The following CAMK4 variants were observed in gnomAD, a reference collection of about 807,000 sequenced individuals.
CAMK4 encodes the protein calcium/calmodulin-dependent protein kinase type IV.
Under a neutral mutation model 44.9 loss-of-function variants are expected in CAMK4, and 22 were observed. The ratio of observed to expected loss-of-function variants is 0.49; its 90% CI spans 0.35 to 0.70. The LOEUF (loss-of-function observed/expected upper bound fraction) is 0.70, where lower values mean the gene tolerates loss of function less well. Among genes scored for constraint, CAMK4 ranks in the 30% least tolerant of loss-of-function variants. CAMK4 has a pLI of 0.01. For missense variants in CAMK4, 498 were observed against 586.8 expected (o/e 0.85, Z 1.56); for synonymous variants, 218 against 215.4 (o/e 1.01, Z -0.11).
intron 7 of CAMK4, among the ~76,000 whole-genome samples, chr5:111,464,715 C>A (rs943980437): frequency 7.9e-5 from 12 of 152,224 alleles, no homozygotes; most frequent in Non-Finnish European, 1.6e-4. Context: ...TGGGGACAAT[C>A]TCTTGAGATT....
chr5:111,270,348 T>C (rs747894118), intron 1 of CAMK4, among the ~76,000 whole-genome samples: 25 of 152,184 alleles, frequency 1.6e-4, no homozygotes, highest in Non-Finnish European at 2.8e-4. Flanking sequence ...TCACTCCCTC[T>C]CACACATTCA....
At position 111,290,165 on chromosome 5, in the gene CAMK4, G is replaced by A. The variant is rs967590966; in HGVS notation, c.162-53859G>A. Among the ~76,000 whole-genome samples the A allele has an allele frequency of 2.0e-5, 3 of 152,128 alleles. No homozygotes were observed. The highest frequency in any genetic ancestry group is 1.9e-4 in the East Asian group (1 of 5,176). ...TTCAACACATAAACCCTGTTTTGGAGTATAGACGCCTGCTCCCCTACCCAT... is the reference window on the plus strand; with the variant it reads ...TTCAACACATAAACCCTGTTTTGGAATATAGACGCCTGCTCCCCTACCCAT... On this transcript the variant is annotated intron_variant, in intron 1 of 10. Coordinates refer to ENST00000282356, the MANE Select transcript of CAMK4 (RefSeq NM_001744.6). The surrounding 1 kb of genome is among the most constrained non-coding windows in gnomAD (Gnocchi z 4.5).
intron 1 of CAMK4, among the ~76,000 whole-genome samples, chr5:111,280,783 G>C (rs567293871): frequency 6.6e-6 from 1 of 152,310 alleles, no homozygotes; most frequent in Non-Finnish European, 1.5e-5. Flanking sequence ...AGGCTAGAGA[G>C]AAAACATAAT....
intron 1 of CAMK4, among the ~76,000 whole-genome samples, chr5:111,303,746 G>A (rs1350954437): frequency 3.0e-4 from 44 of 148,666 alleles, no homozygotes; most frequent in Non-Finnish European, 4.6e-4. Flanking sequence ...TACAGAGAAC[G>A]CCACAGAGAT....
chr5:111,314,530 C>G (rs1056423283), intron 1 of CAMK4, among the ~76,000 whole-genome samples: 4 of 151,918 alleles, frequency 2.6e-5, no homozygotes, highest in African/African-American at 9.7e-5. Flanking sequence ...AGAAAAGGAA[C>G]AAAAATACTT....
At chr5:111,462,744 C>T (rs950961340) in intron 7 of CAMK4, among the ~76,000 whole-genome samples, 3 of 152,140 alleles carry the variant, frequency 2.0e-5, no homozygotes, top group Admixed American at 6.5e-5. Context: ...AATTTAGCAC[C>T]AGTGGTCCCT....
At chr5:111,363,337 AT>A (rs1489794808) in intron 2 of CAMK4, among the ~76,000 whole-genome samples, 1 of 151,856 alleles carries the variant, frequency 6.6e-6, no homozygotes, top group African/African-American at 2.4e-5. Flanking sequence ...TTAAACCAGA[AT>A]TTTTTTTCTT....
In CAMK4 at chr5:111,467,989, C is replaced by T. The variant is rs568447856; in HGVS notation, c.626-5322C>T. On this transcript the variant is annotated intron_variant, in intron 7 of 10. Coordinates refer to ENST00000282356, the MANE Select transcript of CAMK4 (RefSeq NM_001744.6). ...ACACACACCATGGAATACTACTCAG[C>T]CATAAAAAGGAGTGAAATAATGACA... Among the ~76,000 whole-genome samples the T allele has an allele frequency of 3.4e-4, 51 of 148,878 alleles. 1 individual carries two copies. In the South Asian group the frequency reaches 9.9e-3, roughly 29 times the overall value.
intron 1 of CAMK4, among the ~76,000 whole-genome samples, chr5:111,251,648 A>G (rs532305186): frequency 7.2e-5 from 11 of 152,302 alleles, no homozygotes; most frequent in African/African-American, 2.2e-4. Context: ...TCTTATGTCT[A>G]TGCTTTTCCT....
chr5:111,442,063 T>C (rs1302031182), intron 5 of CAMK4, among the ~76,000 whole-genome samples: 3 of 152,218 alleles, frequency 2.0e-5, no homozygotes, highest in Non-Finnish European at 4.4e-5. Context: ...ATTATTCAGC[T>C]CTTTAAATTG....
chr5:111,329,955 C>G (rs532025672), intron 1 of CAMK4, among the ~76,000 whole-genome samples: 2 of 151,760 alleles, frequency 1.3e-5, no homozygotes, highest in Admixed American at 6.6e-5. Flanking sequence ...TCTGCTCCCA[C>G]TACTTCAATA....
chr5:111,287,603 A>G lies in CAMK4; in HGVS notation c.162-56421A>G, dbSNP rs80199225. ...TTTTGACTTTTTTGTCAAAATGTCA[A>G]AATGTTTTTGCATCCTGTTTCATAT... On this transcript the variant is annotated intron_variant, in intron 1 of 10. Coordinates refer to ENST00000282356, the MANE Select transcript of CAMK4 (RefSeq NM_001744.6). Among the ~76,000 whole-genome samples, 41 of 152,318 alleles carry G rather than the reference A, an allele frequency of 2.7e-4. No homozygotes were observed. In the East Asian group the frequency reaches 7.5e-3, roughly 28 times the overall value.
At chr5:111,421,924 C>A (rs1226491654) in intron 5 of CAMK4, among the ~76,000 whole-genome samples, 2 of 152,156 alleles carry the variant, frequency 1.3e-5, no homozygotes, top group Non-Finnish European at 2.9e-5. Context: ...GGACGGTTCG[C>A]TTGCACACAC....
chr5:111,281,708 T>C (rs1037824849), intron 1 of CAMK4, among the ~76,000 whole-genome samples: 10 of 152,248 alleles, frequency 6.6e-5, no homozygotes, highest in African/African-American at 2.4e-4. Context: ...TATATCAAGA[T>C]AGAAGATGAA....
At chr5:111,412,070 A>G (rs1304400831) in intron 5 of CAMK4, among the ~76,000 whole-genome samples, 2 of 152,196 alleles carry the variant, frequency 1.3e-5, no homozygotes, top group Admixed American at 1.3e-4. Context: ...ATAAAAGGTT[A>G]CAGAAACCAA....
Position 111,484,215 on chromosome 5 carries a change from C to T in CAMK4, c.1171C>T (p.Gln391Ter), listed in dbSNP as rs901315404. 1 of 1,614,020 alleles carries T rather than the reference C, an allele frequency of 6.2e-7. No homozygotes were observed. Among genetic ancestry groups the T allele is most frequent in the Non-Finnish European group, 8.5e-7 (1 of 1,179,960 alleles). The change falls in exon 11 of 11, where the codon CAG becomes TAG. Residue 391 changes from glutamine to a stop codon, truncating the protein, a stop_gained. Transcript: ENST00000282356. LOFTEE classifies it low-confidence loss of function (END_TRUNC). The surrounding 1 kb of genome is among the most constrained non-coding windows in gnomAD (Gnocchi z 5.3). ...DGAQAAVKGA[Q>*]AELMKVQALE... Reference sequence around the variant, plus strand: ...GGCCCAAGCCGCAGTTAAGGGGGCACAGGCTGAGCTGATGAAGGTGCAAGC... The same window carrying T: ...GGCCCAAGCCGCAGTTAAGGGGGCATAGGCTGAGCTGATGAAGGTGCAAGC...
rs756201485 is a variant in CAMK4 at position 111,484,065 on chromosome 5, A to G, written c.1021A>G (p.Ser341Gly). ...TGTGGTGGCCTCTTCGCGCCTGGGA[A>G]GTGCCAGCAGCAGCCATGGCAGCAT... ...KAVVASSRLG[S>G]ASSSHGSIQE... Residue 341 changes from serine (S) to glycine (G), a missense_variant, in exon 11 of 11, where the codon AGT becomes GGT. By Grantham distance (56) the Ser-to-Gly change is moderately conservative. Transcript: ENST00000282356. This position sits in a 1 kb window ranked among gnomAD's most constrained non-coding sequence, Gnocchi z 5.3. 1.9e-6 allele frequency: 3 copies of G among 1,607,768 alleles called. No homozygotes were observed. Among genetic ancestry groups the G allele is most frequent in the Non-Finnish European group, 2.5e-6 (3 of 1,176,788 alleles).
At chr5:111,395,230 A>AT in intron 5 of CAMK4, among the ~76,000 whole-genome samples, 1 of 106,440 alleles carries the variant, frequency 9.4e-6, no homozygotes, top group Admixed American at 1.2e-4. Flanking sequence ...AAAAAAAAGA[A>AT]AAAAAAAAAG....
At chr5:111,267,703 CAAAAAAAAAAAA>C (rs59699712) in intron 1 of CAMK4, among the ~76,000 whole-genome samples, 4 of 71,734 alleles carry the variant, frequency 5.6e-5, no homozygotes, top group African/African-American at 1.8e-4. Context: ...GACTCCGTCT[CAAAAAAAAAAAA>C]AAAAAAAAAA....
Sources: gnomAD v4.1 joint callset for allele counts (sites outside exome capture counted in the v4.1 genomes callset) on GRCh38, gnomAD v4.1.1 for gene constraint, Gnocchi (gnomAD v3.1) non-coding constraint, MANE v1.5 for transcripts, NCBI Gene and HGNC (gene_info 2026-07-23, HGNC 2026-07-21) for gene names.